The following DCLRE1C variants were observed in gnomAD, a reference collection of about 807,000 sequenced individuals.
The protein encoded by DCLRE1C is protein artemis.
DCLRE1C carries 47 observed loss-of-function variants against 61.4 expected under a neutral mutation model. That is an observed-to-expected ratio of 0.77 (90% CI 0.61 to 0.98). The LOEUF is 0.98. Ranked by LOEUF, DCLRE1C falls within the 50% of genes least tolerant of loss-of-function variation. The pLI, the probability that DCLRE1C is intolerant of heterozygous loss-of-function variation, is 0.00. For synonymous variants in DCLRE1C, 337 were observed against 287.6 expected (o/e 1.17, Z -1.74); for missense variants, 858 against 816.0 (o/e 1.05, Z -0.63).
chr10:14,949,953 G>T lies in DCLRE1C; in HGVS notation c.110-866C>A, dbSNP rs914711898. ...CCAGCTACTCGGGTGGCTGAGGCAG[G>T]ACAATCACTTGAACATGGGAGGTAG... is the stretch of plus-strand genomic sequence containing the variant. On this transcript the variant is annotated intron_variant, in intron 1 of 13. Coordinates refer to ENST00000378278, the MANE Select transcript of DCLRE1C (RefSeq NM_001033855.3). Among the ~76,000 whole-genome samples, 6 of 152,274 alleles carry T rather than the reference G, an allele frequency of 3.9e-5. No individual in the cohort carries two copies. In the South Asian group the frequency reaches 1.0e-3, roughly 26 times the overall value.
At chr10:14,897,630 C>T in exon 14 of DCLRE1C, 1 of 940,702 alleles carries the variant, frequency 1.1e-6, no homozygotes, top group Non-Finnish European at 1.4e-6. Context: ...TTTTCATTTG[C>T]AGATATGTAG....
At chr10:14,938,692 C>T (rs993595006) in intron 4 of DCLRE1C, among the ~76,000 whole-genome samples, 1 of 152,142 alleles carries the variant, frequency 6.6e-6, no homozygotes, top group African/African-American at 2.4e-5. Flanking sequence ...TTTTTTTCCA[C>T]TTGGCAGAGC....
intron 4 of DCLRE1C, among the ~76,000 whole-genome samples, chr10:14,938,712 G>A (rs1419447132): frequency 6.6e-6 from 1 of 152,102 alleles, no homozygotes; most frequent in African/African-American, 2.4e-5. Flanking sequence ...CCCCTTTTCT[G>A]AATAAGGGTT....
At chr10:14,899,654 A>G, downstream of DCLRE1C, 1 of 1,613,996 alleles carries the variant, frequency 6.2e-7, no homozygotes, top group East Asian at 2.2e-5. Flanking sequence ...GCGGCTCGAT[A>G]CGGCAATGTG....
chr10:14,942,198 G>C lies in DCLRE1C; in HGVS notation c.247-2329C>G, dbSNP rs536945097. The C allele has an allele frequency of 2.0e-5, 3 of 152,434 alleles. No homozygotes were observed. The South Asian group carries it at 6.2e-4, about 32-fold the overall frequency. 9.4% of individuals were successfully genotyped at this position (152,434 alleles called of 1,614,324 possible). A position where few individuals can be genotyped will look rare whatever the true frequency, so the allele number is the denominator to read the frequency against. On this transcript the variant is annotated intron_variant, in intron 3 of 13. Coordinates refer to ENST00000378278, the MANE Select transcript of DCLRE1C (RefSeq NM_001033855.3). Reference sequence around the variant, plus strand: ...CCCGTGTGCAGCTCCTCCGAGTCCTGGGGCAGGTGCATGTGCTTCAGAGCC... The same window carrying C: ...CCCGTGTGCAGCTCCTCCGAGTCCTCGGGCAGGTGCATGTGCTTCAGAGCC...
Position 14,935,582 on chromosome 10 carries a change from C to T in DCLRE1C, c.363-18G>A. The T allele has an allele frequency of 1.2e-6, 2 of 1,610,116 alleles. No individual in the cohort carries two copies. The highest frequency in any genetic ancestry group is 2.7e-5 in the African/African-American group (2 of 74,908). On this transcript the variant is annotated intron_variant, in intron 5 of 13. Transcript: ENST00000378278. The stretch of plus-strand genomic sequence containing the variant: ...ATAAAAACCTGAAAAAGAAATATAT[C>T]CCAGTGACTTCTGAGTCTCATATAA...
At position 14,926,809 on chromosome 10, in the gene DCLRE1C, C is replaced by T. The variant is rs192387898; in HGVS notation, c.972+34G>A. 164 of 1,569,154 alleles carry T rather than the reference C, an allele frequency of 1.0e-4. No homozygotes were observed. In the Admixed American group the frequency reaches 1.6e-3, roughly 15 times the overall value. On this transcript the variant is annotated intron_variant, in intron 11 of 13. Coordinates refer to ENST00000378278, the MANE Select transcript of DCLRE1C (RefSeq NM_001033855.3). ...ACTACCAAGGCTGCAGAACACTGAGCGATAAGGGTTATGAGTATATGGGAT... is the reference window on the plus strand; with the variant it reads ...ACTACCAAGGCTGCAGAACACTGAGTGATAAGGGTTATGAGTATATGGGAT...
At chr10:14,928,498 T>C (rs1838405488) in intron 9 of DCLRE1C, among the ~76,000 whole-genome samples, 1 of 152,166 alleles carries the variant, frequency 6.6e-6, no homozygotes, top group African/African-American at 2.4e-5. Flanking sequence ...CTACAAGCTA[T>C]AAAGGACACT....
At chr10:14,950,014 C>T (rs1056521209) in intron 1 of DCLRE1C, among the ~76,000 whole-genome samples, 6 of 152,126 alleles carry the variant, frequency 3.9e-5, no homozygotes, top group South Asian at 4.2e-4. Context: ...CACTGCACTT[C>T]GGCCTGGGCG....
chr10:14,919,773 T>G lies in DCLRE1C; in HGVS notation c.1121A>C (p.Lys374Thr). 6.2e-7 allele frequency: 1 copy of G among 1,614,050 alleles called. No homozygotes were observed. The highest frequency in any genetic ancestry group is 2.2e-5 in the East Asian group (1 of 44,876). ...GTGAACTGTTCTAGCTCTCTTCAGT[T>G]TTCCCAGTGGTTTATACTTTGGCTC... ...STEPKYKPLG[K>T]LKRARTVHRD... Residue 374 changes from lysine (K) to threonine (T), a missense_variant, in exon 13 of 14, where the codon AAA becomes ACA. Transcript: ENST00000378278.
At position 14,934,760 on chromosome 10, in the gene DCLRE1C, T is replaced by C. The variant is rs747620492; in HGVS notation, c.480A>G (p.Gln160=). ...LHSGGRVKDI[Q]SVYLDTTFCD... is the part of the protein sequence containing the mutation. Reference sequence around the variant, plus strand: ...AGAACGTAGTATCCAAATATACACTTTGGATGTCTTTGACTCTGAAAAGAA... The same window carrying C: ...AGAACGTAGTATCCAAATATACACTCTGGATGTCTTTGACTCTGAAAAGAA... Residue 160 remains glutamine (Q), a synonymous_variant, in exon 7 of 14, where the codon CAA becomes CAG. Coordinates refer to ENST00000378278, the MANE Select transcript of DCLRE1C (RefSeq NM_001033855.3). 2.5e-6 allele frequency: 4 copies of C among 1,613,282 alleles called. No homozygotes were observed. Among genetic ancestry groups the C allele is most frequent in the East Asian group, 2.2e-5 (1 of 44,902 alleles).
At chr10:14,939,955 A>C (rs1840598563) in intron 3 of DCLRE1C, 86 bp from the exon 4 acceptor site, 2 of 1,040,830 alleles carry the variant, frequency 1.9e-6, no homozygotes, top group African/African-American at 3.2e-5. Flanking sequence ...GAAATGGGGC[A>C]AAGAGAAGTT....
chr10:14,925,250 T>TAAAAAAAAAAAAAAAA (rs1588999380), intron 11 of DCLRE1C, among the ~76,000 whole-genome samples: 2 of 104,080 alleles, frequency 1.9e-5, no homozygotes, highest in Non-Finnish European at 3.9e-5. Flanking sequence ...AAAAAAAAAG[T>TAAAAAAAAAAAAAAAA]AAAGTCAAGC....
At position 14,898,202 on chromosome 10, in the gene DCLRE1C, C is replaced by CTTTTTTTT. The variant is rs919860514; in HGVS notation, c.*954_*961dup. On this transcript the variant is annotated 3_prime_UTR_variant, in exon 14 of 14. Transcript: ENST00000378289. ...AAAACTCAGTGAGGTAGTACTGTTT[C>CTTTTTTTT]TTTTTTTTTTTTTTTTTTTTTTTTT... 2.2e-3 allele frequency: 125 copies of CTTTTTTTT among 56,154 alleles called. 7 individuals are homozygous for CTTTTTTTT. The highest frequency in any genetic ancestry group is 5.6e-3 in the African/African-American group (79 of 14,150). 3.5% of individuals were successfully genotyped at this position (56,154 alleles called of 1,614,324 possible).
chr10:14,900,965 A>C (rs1833967663), downstream of DCLRE1C, among the ~76,000 whole-genome samples: 1 of 152,166 alleles, frequency 6.6e-6, no homozygotes, highest in African/African-American at 2.4e-5. Context: ...TTTATAAGGG[A>C]AAAAAATCTT....
chr10:14,904,353 T>G (rs534127559), downstream of DCLRE1C: 1 of 126,160 alleles, frequency 7.9e-6, no homozygotes, highest in Non-Finnish European at 1.6e-5. Flanking sequence ...GCAGAATGTG[T>G]CAACAAAAAA....
Position 14,897,766 on chromosome 10 carries a change from T to TA in DCLRE1C, c.*1397dup, listed in dbSNP as rs543654349. 1.9e-3 allele frequency: 503 copies of TA among 268,112 alleles called. 6 individuals are homozygous for TA. The highest frequency in any genetic ancestry group is 0.01 in the African/African-American group (475 of 45,760). The allele number at this position is 268,112 out of a possible 1,614,324, so 16.6% of individuals were successfully genotyped here. ...TCTTTCAACAAATACACATTCCTAC[T>TA]AGTCAAACCTAGGATTTGTAAAATT... On this transcript the variant is annotated 3_prime_UTR_variant, in exon 14 of 14. Transcript: ENST00000378289.
Position 14,948,888 on chromosome 10 carries a change from TG to T in DCLRE1C, c.161+147del, listed in dbSNP as rs1842067061. 6.1e-6 allele frequency: 4 copies of T among 654,198 alleles called. No individual in the cohort carries two copies. The East Asian group carries it at 1.1e-4, about 18-fold the overall frequency. 40.5% of individuals were successfully genotyped at this position (654,198 alleles called of 1,614,324 possible). ...AATGAGTTGGGAGGTAAGAGGGGTC[TG>T]GGATATTGGTACTGTCCTATTTCTT... On this transcript the variant is annotated intron_variant, in intron 2 of 13. Transcript: ENST00000378278.
chr10:14,941,512 C>G (rs61085450), intron 3 of DCLRE1C, among the ~76,000 whole-genome samples: 18,971 of 152,004 alleles, frequency 0.12, 1,689 homozygotes, highest in East Asian at 0.32. Context: ...GTTTCGAACT[C>G]CTGGACTCAC....
Sources: allele counts gnomAD v4.1 joint callset (sites outside exome capture counted in the v4.1 genomes callset), GRCh38; gene constraint gnomAD v4.1.1; transcripts MANE v1.5; gene names NCBI Gene and HGNC (gene_info 2026-07-23, HGNC 2026-07-21).